OSBP2: variants seen among roughly 807,000 people sequenced by gnomAD.
The protein encoded by OSBP2 is oxysterol-binding protein 2.
A neutral mutation model predicts 96.0 loss-of-function variants in OSBP2; 66 were observed. The observed-to-expected ratio is 0.69, with a 90% CI of 0.56 to 0.84. OSBP2 has a LOEUF of 0.84. OSBP2 is among the 40% of genes least tolerant of loss of function. The pLI is 0.00. For missense variants in OSBP2, 1,038 were observed against 1,222.7 expected (o/e 0.85, Z 2.25); for synonymous variants, 525 against 520.9 (o/e 1.01, Z -0.11).
upstream of OSBP2, chr22:30,694,775 A>AGGG (rs2088989876): frequency 1.7e-6 from 1 of 602,198 alleles, no homozygotes; most frequent in African/African-American, 2.0e-5. Context: ...ACGGGCACGG[A>AGGG]GCGCACGGGA....
Position 30,773,085 on chromosome 22 carries a change from C to A in OSBP2, c.853+31716C>A, listed in dbSNP as rs541805858. The A allele has an allele frequency of 5.9e-5, 9 of 152,400 alleles. No individual in the cohort carries two copies. The East Asian group carries it at 9.6e-4, about 16-fold the overall frequency. 9.4% of individuals were successfully genotyped at this position (152,400 alleles called of 1,614,324 possible). On this transcript the variant is annotated intron_variant, in intron 2 of 13. Coordinates refer to ENST00000332585, the MANE Select transcript of OSBP2 (RefSeq NM_030758.4). ...GGGATTACAGGCATGAGCCACTGAG[C>A]CCAGCCTGTTAAACACGATTTTTTT...
chr22:30,854,116 G>A (rs980357341), intron 2 of OSBP2, among the ~76,000 whole-genome samples: 5 of 151,796 alleles, frequency 3.3e-5, no homozygotes, highest in African/African-American at 4.8e-5. Flanking sequence ...TTTAACTTAC[G>A]GCAGTCTCCT....
chr22:30,795,318 T>C (rs1001256056), intron 2 of OSBP2, among the ~76,000 whole-genome samples: 1 of 152,132 alleles, frequency 6.6e-6, no homozygotes, highest in African/African-American at 2.4e-5. Flanking sequence ...AATCTGTGGG[T>C]TAATGTCTTT....
At chr22:30,831,916 G>T (rs1318558593) in intron 2 of OSBP2, among the ~76,000 whole-genome samples, 1 of 152,084 alleles carries the variant, frequency 6.6e-6, no homozygotes, top group Non-Finnish European at 1.5e-5. Context: ...GATCTCCTTG[G>T]CCCAAAGTTA....
At chr22:30,903,975 G>A (rs1171630213) in intron 12 of OSBP2, among the ~76,000 whole-genome samples, 3 of 152,226 alleles carry the variant, frequency 2.0e-5, no homozygotes, top group Non-Finnish European at 4.4e-5. Context: ...GCATCTTGGG[G>A]ACACACTTGG....
At chr22:30,806,162 A>G (rs2145849228) in intron 2 of OSBP2, among the ~76,000 whole-genome samples, 1 of 152,310 alleles carries the variant, frequency 6.6e-6, no homozygotes, top group African/African-American at 2.4e-5. Context: ...TGAGGCTCAG[A>G]CAGGTCGCAG....
intron 12 of OSBP2, chr22:30,902,644 G>T: frequency 1.6e-6 from 1 of 621,246 alleles, no homozygotes; most frequent in Non-Finnish European, 3.0e-6. Flanking sequence ...CGACAGAGGA[G>T]GGAAGAGCAC....
intron 2 of OSBP2, among the ~76,000 whole-genome samples, chr22:30,758,531 C>T (rs1170114216): frequency 1.5e-4 from 23 of 152,162 alleles, no homozygotes; most frequent in Admixed American, 1.5e-3. Flanking sequence ...GGTGAGGTTA[C>T]AATTTTTTCC....
In OSBP2 at chr22:30,893,257, G is replaced by C; in HGVS notation, c.1990+15G>C. ...CATGCCGCTAGGTGAGCTGGGGCCC[G>C]GTGCCTTCCTGGGACACAGAGACAT... is the stretch of plus-strand genomic sequence containing the variant. On this transcript the variant is annotated intron_variant, in intron 9 of 13. Transcript: ENST00000332585. 1 of 1,613,814 alleles carries C rather than the reference G, an allele frequency of 6.2e-7. No individual in the cohort carries two copies. Among genetic ancestry groups the C allele is most frequent in the Non-Finnish European group, 8.5e-7 (1 of 1,179,906 alleles).
intron 2 of OSBP2, among the ~76,000 whole-genome samples, chr22:30,824,360 T>G (rs955890987): frequency 1.3e-5 from 2 of 151,960 alleles, no homozygotes; most frequent in African/African-American, 4.8e-5. Flanking sequence ...AGTGCAGCAG[T>G]CAAGAGCAGC....
At chr22:30,816,750 C>G (rs923589753) in intron 2 of OSBP2, among the ~76,000 whole-genome samples, 1 of 152,048 alleles carries the variant, frequency 6.6e-6, no homozygotes, top group Admixed American at 6.6e-5. Context: ...TTTTCCTTTT[C>G]TTTTTTGAGA....
chr22:30,802,815 G>A (rs1000383964), intron 2 of OSBP2, among the ~76,000 whole-genome samples: 2 of 152,244 alleles, frequency 1.3e-5, no homozygotes, highest in Non-Finnish European at 2.9e-5. Context: ...GGAGGCTGGA[G>A]GAATGAGGAC....
intron 2 of OSBP2, among the ~76,000 whole-genome samples, chr22:30,861,495 G>A (rs1327166326): frequency 6.6e-6 from 1 of 152,224 alleles, no homozygotes; most frequent in East Asian, 1.9e-4. Context: ...GAACTGAGAT[G>A]ACACTGGCGC....
At chr22:30,772,912 C>T (rs1308699415) in intron 2 of OSBP2, among the ~76,000 whole-genome samples, 2 of 151,544 alleles carry the variant, frequency 1.3e-5, no homozygotes, top group South Asian at 2.1e-4. Context: ...CCTGCCTCAG[C>T]CTTCCGAGTA....
intron 2 of OSBP2, among the ~76,000 whole-genome samples, chr22:30,854,051 G>A (rs901861525): frequency 1.3e-5 from 2 of 151,686 alleles, no homozygotes; most frequent in Non-Finnish European, 2.9e-5. Context: ...GAGCCACTGC[G>A]CCAGGCCTCA....
chr22:30,902,140 CA>C (rs1239083048), intron 12 of OSBP2: 14 of 258,554 alleles, frequency 5.4e-5, no homozygotes, highest in South Asian at 1.8e-4. Context: ...AAAAAAAAAC[CA>C]AAAAAAAAAA....
At chr22:30,883,898 A>G (rs1569164682) in intron 3 of OSBP2, among the ~76,000 whole-genome samples, 2 of 152,118 alleles carry the variant, frequency 1.3e-5, no homozygotes, top group Non-Finnish European at 2.9e-5. Context: ...TCCTCACTCT[A>G]AGGCCTACAG....
chr22:30,900,270 A>T (rs1355105837), intron 12 of OSBP2, among the ~76,000 whole-genome samples: 12 of 152,078 alleles, frequency 7.9e-5, no homozygotes, highest in Non-Finnish European at 7.4e-5. Context: ...AAAAAAAAAA[A>T]TTAACAGCAT....
chr22:30,700,780 T>G (rs745718908), intron 1 of OSBP2, among the ~76,000 whole-genome samples: 3 of 151,976 alleles, frequency 2.0e-5, no homozygotes, highest in Non-Finnish European at 4.4e-5. Context: ...TGCAGTCAAG[T>G]GAGAACAAAT....
Sources: gnomAD v4.1 joint callset for allele counts (sites outside exome capture counted in the v4.1 genomes callset) on GRCh38, gnomAD v4.1.1 for gene constraint, MANE v1.5 for transcripts, NCBI Gene and HGNC (gene_info 2026-07-23, HGNC 2026-07-21) for gene names.